The following FAM174B variants were observed in gnomAD, a reference collection of about 807,000 sequenced individuals.
FAM174B encodes the protein membrane protein FAM174B.
FAM174B carries 12 observed loss-of-function variants against 10.9 expected under a neutral mutation model. That is an observed-to-expected ratio of 1.10 (90% confidence interval 0.71 to 1.79). The LOEUF (loss-of-function observed/expected upper bound fraction) is 1.79. Ranked by LOEUF, FAM174B falls within the 40% of genes most tolerant of loss-of-function variation. The pLI is 0.00. For missense variants in FAM174B, 266 were observed against 233.3 expected, an observed-to-expected ratio of 1.14 and a Z score of -0.91; for synonymous variants, 132 against 115.8, an observed-to-expected ratio of 1.14 and a Z score of -0.90.
At chr15:92,620,215 C>G (rs933603040) in intron 2 of FAM174B, among the ~76,000 whole-genome samples, 2 of 152,152 alleles carry the variant, frequency 1.3e-5, no homozygotes, top group African/African-American at 4.8e-5. Context: ...ATAAGAAGTA[C>G]AAGAAATAAG....
At chr15:92,653,965 A>C (rs1291337511) in intron 1 of FAM174B, among the ~76,000 whole-genome samples, 2 of 152,200 alleles carry the variant, frequency 1.3e-5, no homozygotes, top group East Asian at 3.9e-4. Flanking sequence ...GATTGAGGCC[A>C]GTGGGTAGAG....
At chr15:92,636,145 C>G (rs1201236901) in intron 1 of FAM174B, among the ~76,000 whole-genome samples, 1 of 151,946 alleles carries the variant, frequency 6.6e-6, no homozygotes, top group East Asian at 1.9e-4. Flanking sequence ...TTTAACGTGT[C>G]TTTTAAAATA....
At chr15:92,623,706 C>T (rs990123174) in intron 2 of FAM174B, among the ~76,000 whole-genome samples, 2 of 152,188 alleles carry the variant, frequency 1.3e-5, no homozygotes, top group Non-Finnish European at 1.5e-5. Context: ...GGGAAGAGGA[C>T]GCAGTGGCCT....
At chr15:92,622,854 G>A (rs1456259259) in intron 2 of FAM174B, among the ~76,000 whole-genome samples, 2 of 152,298 alleles carry the variant, frequency 1.3e-5, no homozygotes, top group East Asian at 1.9e-4. Flanking sequence ...GGCTTGCCAG[G>A]TGGTCTTAGA....
chr15:92,648,919 G>A (rs1348673663), intron 1 of FAM174B, among the ~76,000 whole-genome samples: 1 of 152,146 alleles, frequency 6.6e-6, no homozygotes, highest in East Asian at 1.9e-4. Flanking sequence ...TAAATTCATG[G>A]TCCCAGGATT....
chr15:92,655,336 G>A lies in FAM174B; in HGVS notation c.324C>T (p.Cys108=), dbSNP rs1286052099. The A allele has an allele frequency of 6.4e-7, 1 of 1,572,682 alleles. No individual in the cohort carries two copies. Among genetic ancestry groups the A allele is most frequent in the East Asian group, 2.5e-5 (1 of 39,568 alleles). Reference sequence around the variant, plus strand: ...CCCACCTGAAGACGCGCAGCAGCAGGCAGGCGATGAGGAGGGTGGTAAAGG... The same window carrying A: ...CCCACCTGAAGACGCGCAGCAGCAGACAGGCGATGAGGAGGGTGGTAAAGG... ...AFAFTTLLIA[C]LLLRVFRSGK... The change falls in exon 1 of 3, where the codon TGC becomes TGT. Residue 108 remains cysteine, a synonymous_variant. Coordinates refer to ENST00000327355, the MANE Select transcript of FAM174B (RefSeq NM_207446.3).
intron 2 of FAM174B, among the ~76,000 whole-genome samples, chr15:92,620,704 A>G (rs2141946242): frequency 6.7e-6 from 1 of 150,046 alleles, no homozygotes; most frequent in East Asian, 2.0e-4. Context: ...AATCCCAGCT[A>G]CTTGGGAGGC....
chr15:92,655,423 GGTCACCAAGGC>G lies in FAM174B; in HGVS notation c.226_236del (p.Ala76ProfsTer48). 1 of 1,594,186 alleles carries G rather than the reference GGTCACCAAGGC, an allele frequency of 6.3e-7. No homozygotes were observed. Among genetic ancestry groups the G allele is most frequent in the Non-Finnish European group, 8.5e-7 (1 of 1,173,404 alleles). On this transcript the variant is annotated frameshift_variant, in exon 1 of 3. Transcript: ENST00000327355. LOFTEE classifies it high-confidence loss of function. ...GGTCGCGGAGGAGGATGGAAATGCG[GGTCACCAAGGC>G]GTCGCCACTGCTGTTGGAGCTGGAG...
Position 92,655,579 on chromosome 15 carries a change from G to C in FAM174B, c.81C>G (p.Ser27Arg). The change falls in exon 1 of 3, where the codon AGC (serine) becomes AGG (arginine). Residue 27 changes from serine (S) to arginine (R), a missense_variant. Coordinates refer to ENST00000327355, the MANE Select transcript of FAM174B (RefSeq NM_207446.3). ...ACGGCGCGGAGACGGACTCGGCTCT[G>C]CTGGCGCGGGCGGCGGGAGCGGCCA... Reference protein sequence around the residue: ...ALLAAPAARASRAESVSAPWP... With the variant: ...ALLAAPAARARRAESVSAPWP... 7.6e-7 allele frequency: 1 copy of C among 1,316,570 alleles called. No individual in the cohort carries two copies. Among genetic ancestry groups the C allele is most frequent in the Non-Finnish European group, 9.7e-7 (1 of 1,034,972 alleles). The allele number at this position is 1,316,570 out of a possible 1,614,324, so 81.6% of individuals were successfully genotyped here.
chr15:92,633,129 A>C (rs776792867), intron 1 of FAM174B, among the ~76,000 whole-genome samples: 1 of 152,198 alleles, frequency 6.6e-6, no homozygotes, highest in Non-Finnish European at 1.5e-5. Flanking sequence ...AGAAAGTCAT[A>C]AACGGGGCAC....
rs765443275 is a variant in FAM174B at position 92,655,349 on chromosome 15, A to G, written c.311T>C (p.Leu104Pro). 2 of 1,583,326 alleles carry G rather than the reference A, an allele frequency of 1.3e-6. No homozygotes were observed. Among genetic ancestry groups the G allele is most frequent in the Non-Finnish European group, 1.7e-6 (2 of 1,165,482 alleles). Reference protein sequence around the residue: ...AVIVAFAFTTLLIACLLLRVF... With the variant: ...AVIVAFAFTTPLIACLLLRVF... The stretch of plus-strand genomic sequence containing the variant: ...GCGCAGCAGCAGGCAGGCGATGAGG[A>G]GGGTGGTAAAGGCGAACGCCACGAT... The change falls in exon 1 of 3, where the codon CTC becomes CCC. Residue 104 changes from leucine (L) to proline (P), a missense_variant. Coordinates refer to ENST00000327355, the MANE Select transcript of FAM174B (RefSeq NM_207446.3).
intron 1 of FAM174B, among the ~76,000 whole-genome samples, chr15:92,646,170 C>T (rs1019752689): frequency 6.6e-6 from 1 of 152,218 alleles, no homozygotes; most frequent in Non-Finnish European, 1.5e-5. Context: ...CCAGCCACGT[C>T]ACTATTCATG....
In FAM174B at chr15:92,619,070, G is replaced by C. The variant is rs2050700859; in HGVS notation, c.*386C>G. On this transcript the variant is annotated 3_prime_UTR_variant, in exon 3 of 3. Coordinates refer to ENST00000327355, the MANE Select transcript of FAM174B (RefSeq NM_207446.3). ...AAATACACAGTTGGACATCCTTCAGGCTTGTTTTAGATTCTTGATCCTCCT... is the reference window on the plus strand; with the variant it reads ...AAATACACAGTTGGACATCCTTCAGCCTTGTTTTAGATTCTTGATCCTCCT... 1 of 621,088 alleles carries C rather than the reference G, an allele frequency of 1.6e-6. No homozygotes were observed. The highest frequency in any genetic ancestry group is 1.8e-5 in the African/African-American group (1 of 54,638). 38.5% of individuals were successfully genotyped at this position (621,088 alleles called of 1,614,324 possible).
intron 2 of FAM174B, among the ~76,000 whole-genome samples, chr15:92,620,894 C>T (rs771271774): frequency 4.0e-5 from 6 of 151,078 alleles, no homozygotes; most frequent in Non-Finnish European, 8.8e-5. Flanking sequence ...GAAAATTTGA[C>T]CAGTTAAAGC....
At chr15:92,641,300 G>A (rs1188711639) in intron 1 of FAM174B, among the ~76,000 whole-genome samples, 2 of 152,232 alleles carry the variant, frequency 1.3e-5, no homozygotes, top group African/African-American at 4.8e-5. Flanking sequence ...TATACAGAGA[G>A]CAGTGTGACA....
chr15:92,620,529 C>G (rs2050712511), intron 2 of FAM174B, among the ~76,000 whole-genome samples: 1 of 151,596 alleles, frequency 6.6e-6, no homozygotes, highest in African/African-American at 2.4e-5. Flanking sequence ...AAAACTAAAT[C>G]TGTGGCCAGG....
At position 92,655,706 on chromosome 15, in the gene FAM174B, C is replaced by T. The variant is rs763730340; in HGVS notation, c.-47G>A. On this transcript the variant is annotated 5_prime_UTR_variant, in exon 1 of 3. Coordinates refer to ENST00000327355, the MANE Select transcript of FAM174B (RefSeq NM_207446.3). Reference sequence around the variant, plus strand: ...ATCGGGCAGGGCGCGCGCGGCTGAGCTCCAGGATCCGCACCAGCACGGAGG... The same window carrying T: ...ATCGGGCAGGGCGCGCGCGGCTGAGTTCCAGGATCCGCACCAGCACGGAGG... 1.8e-4 allele frequency: 221 copies of T among 1,226,138 alleles called. No individual in the cohort carries two copies. The highest frequency in any genetic ancestry group is 2.2e-4 in the Non-Finnish European group (214 of 983,430). 76.0% of individuals were successfully genotyped at this position (1,226,138 alleles called of 1,614,324 possible).
intron 1 of FAM174B, among the ~76,000 whole-genome samples, chr15:92,654,636 G>A (rs192672671): frequency 6.6e-6 from 1 of 152,146 alleles, no homozygotes; most frequent in African/African-American, 2.4e-5. Context: ...AAAGCCGTCT[G>A]TGTCCCCCAC....
chr15:92,622,112 C>T (rs142048013), intron 2 of FAM174B, among the ~76,000 whole-genome samples: 108 of 152,366 alleles, frequency 7.1e-4, no homozygotes, highest in Non-Finnish European at 1.3e-3. Flanking sequence ...CTCTGTACCG[C>T]TGCCATGCTG....
Sources: gnomAD v4.1 joint callset for allele counts (sites outside exome capture counted in the v4.1 genomes callset) on GRCh38, gnomAD v4.1.1 for gene constraint, MANE v1.5 for transcripts, NCBI Gene and HGNC (gene_info 2026-07-23, HGNC 2026-07-21) for gene names.